The following FANCI variants were observed in gnomAD, a reference collection of about 807,000 sequenced individuals.
FANCI encodes FA complementation group I, also known as Fanconi anemia group I protein.
Under a neutral mutation model 176.1 loss-of-function variants are expected in FANCI, and 156 were observed. That is an observed-to-expected ratio of 0.89 (90% CI 0.78 to 1.01). FANCI has a LOEUF of 1.01. Ranked by LOEUF, FANCI falls within the 50% of genes least tolerant of loss-of-function variation. FANCI has a pLI of 0.00. For synonymous variants in FANCI, 613 were observed against 541.7 expected, an observed-to-expected ratio of 1.13 and a Z score of -1.83; for missense variants, 1,678 against 1,534.1, an observed-to-expected ratio of 1.09 and a Z score of -1.57.
intron 14 of FANCI, 97 bp downstream of exon 14, chr15:89,278,871 T>A (rs1681893139): frequency 7.1e-6 from 6 of 850,474 alleles, no homozygotes; most frequent in Non-Finnish European, 1.2e-5. Context: ...AATGAGCATT[T>A]AAATGCAGTA....
In FANCI at chr15:89,263,966, C is replaced by T. The variant is rs762005980; in HGVS notation, c.609C>T (p.Ser203=). ...FVVEKALSMF[S]KMNLQEIPPL... The stretch of plus-strand genomic sequence containing the variant: ...TGGAAAAAGCATTGAGCATGTTCTC[C>T]AAGATGAATCTTCAAGAAATACCAC... The change falls in exon 8 of 38, where the codon TCC becomes TCT. Residue 203 remains serine (S), a synonymous_variant. Coordinates refer to ENST00000310775, the MANE Select transcript of FANCI (RefSeq NM_001113378.2). 3 of 1,613,996 alleles carry T rather than the reference C, an allele frequency of 1.9e-6. No individual in the cohort carries two copies. Among genetic ancestry groups the T allele is most frequent in the South Asian group, 1.1e-5 (1 of 91,074 alleles).
At chr15:89,313,047 C>T in intron 35 of FANCI, 75 bp downstream of exon 35, 1 of 1,333,978 alleles carries the variant, frequency 7.5e-7, no homozygotes, top group Non-Finnish European at 1.1e-6. Flanking sequence ...AAGCCAGTGA[C>T]AAAAAGACCA....
chr15:89,290,999 A>G (rs1027527331), intron 19 of FANCI, among the ~76,000 whole-genome samples: 4 of 152,216 alleles, frequency 2.6e-5, no homozygotes, highest in African/African-American at 7.2e-5. Flanking sequence ...CAACACATCT[A>G]CATTCACACG....
chr15:89,247,178 A>T (rs1371067910), intron 1 of FANCI, among the ~76,000 whole-genome samples: 1 of 150,030 alleles, frequency 6.7e-6, no homozygotes, highest in Non-Finnish European at 1.5e-5. Context: ...TCCCCTTCTC[A>T]CTTGTTTTTA....
At chr15:89,305,301 CCTTA>C in intron 29 of FANCI, 36 bp from the exon 30 acceptor site, 1 of 1,614,150 alleles carries the variant, frequency 6.2e-7, no homozygotes, top group Non-Finnish European at 8.5e-7. Context: ...AAGGGAACAA[CCTTA>C]CTGTCATTAG....
At chr15:89,272,166 T>G (rs2053224867) in intron 10 of FANCI, among the ~76,000 whole-genome samples, 1 of 152,208 alleles carries the variant, frequency 6.6e-6, no homozygotes, top group African/African-American at 2.4e-5. Flanking sequence ...AGTACCTCAT[T>G]GAGGTTTAAC....
intron 18 of FANCI, among the ~76,000 whole-genome samples, chr15:89,288,262 A>C (rs960756553): frequency 1.3e-5 from 2 of 152,186 alleles, no homozygotes; most frequent in African/African-American, 4.8e-5. Context: ...CAGCTGGCAA[A>C]GGTGCACTAA....
chr15:89,282,807 C>A, intron 16 of FANCI: 2 of 354,818 alleles, frequency 5.6e-6, no homozygotes, highest in South Asian at 4.9e-5. Flanking sequence ...TCAAACATGG[C>A]AAAATCAGCA....
At chr15:89,289,572 C>T (rs1052267935) in intron 18 of FANCI, among the ~76,000 whole-genome samples, 2 of 152,158 alleles carry the variant, frequency 1.3e-5, no homozygotes, top group African/African-American at 2.4e-5. Context: ...TTCCAAAGTG[C>T]TGGGATTACA....
chr15:89,283,355 C>T, intron 17 of FANCI, 105 bp downstream of exon 17: 21 of 1,538,946 alleles, frequency 1.4e-5, no homozygotes, highest in Non-Finnish European at 1.9e-5. Flanking sequence ...AAGAATGATC[C>T]TAGAACTAAA....
chr15:89,266,022 T>C (rs2052938195), intron 9 of FANCI, among the ~76,000 whole-genome samples: 1 of 145,700 alleles, frequency 6.9e-6, no homozygotes, highest in African/African-American at 2.5e-5. Flanking sequence ...TTTTTAAGAG[T>C]GTCTTGCCCT....
rs2054669748 is a variant in FANCI at position 89,305,181 on chromosome 15, C to G, written c.3125C>G (p.Pro1042Arg). Residue 1042 changes from proline (P) to arginine (R), a missense_variant, in exon 29 of 38, where the codon CCT (proline) becomes CGT (arginine). By Grantham distance (103) the Pro-to-Arg change is moderately radical. This residue lies in a region of FANCI where 1,204 missense variants were observed against 1,077.4 expected (regional missense o/e 1.12). Coordinates refer to ENST00000310775, the MANE Select transcript of FANCI (RefSeq NM_001113378.2). Reference protein sequence around the residue: ...LFSLHVSYKSPVILLRDLSQD... With the variant: ...LFSLHVSYKSRVILLRDLSQD... The stretch of plus-strand genomic sequence containing the variant: ...AGCCTGCATGTTTCGTATAAGAGTC[C>G]TGTCATTCTGCTGCGTGACTTGTCC... 6.2e-7 allele frequency: 1 copy of G among 1,614,102 alleles called. No individual in the cohort carries two copies. Among genetic ancestry groups the G allele is most frequent in the Non-Finnish European group, 8.5e-7 (1 of 1,180,052 alleles).
rs1400441798 is a variant in FANCI at position 89,293,065 on chromosome 15, T to A, written c.2291+2T>A. On this transcript the variant is annotated splice_donor_variant, in intron 22 of 37. Transcript: ENST00000310775. LOFTEE classifies it high-confidence loss of function. ...CAATTTCTCCATAAGTAGTTTCAGG[T>A]AAGGTTTTGCTATAACTCCATTTGT... 1.1e-5 allele frequency: 18 copies of A among 1,613,006 alleles called. No individual in the cohort carries two copies. The highest frequency in any genetic ancestry group is 1.4e-5 in the Non-Finnish European group (16 of 1,179,746).
intron 10 of FANCI, among the ~76,000 whole-genome samples, chr15:89,270,391 C>T (rs1050372752): frequency 6.6e-6 from 1 of 152,220 alleles, no homozygotes; most frequent in Non-Finnish European, 1.5e-5. Context: ...GATCATAGTT[C>T]GAGATAGTAT....
chr15:89,276,373 C>T (rs1181130748), intron 12 of FANCI, among the ~76,000 whole-genome samples: 1 of 152,192 alleles, frequency 6.6e-6, no homozygotes, highest in Non-Finnish European at 1.5e-5. Flanking sequence ...TAAGCCTCTA[C>T]ATAAGCGTTG....
At chr15:89,296,879 C>A (rs1335067710) in intron 24 of FANCI, among the ~76,000 whole-genome samples, 2 of 148,464 alleles carry the variant, frequency 1.3e-5, no homozygotes, top group South Asian at 2.2e-4. Context: ...CCAGTAGGGG[C>A]CCCTCACCTC....
At chr15:89,302,617 A>T (rs2151878663) in intron 27 of FANCI, among the ~76,000 whole-genome samples, 1 of 150,630 alleles carries the variant, frequency 6.6e-6, no homozygotes, top group South Asian at 2.1e-4. Context: ...TCTGTCTCCC[A>T]GGCTGGAGTG....
intron 31 of FANCI, 49 bp from the exon 32 acceptor site, chr15:89,305,958 A>G: frequency 6.3e-7 from 1 of 1,592,064 alleles, no homozygotes; most frequent in Non-Finnish European, 8.6e-7. Context: ...TTTACTCTTA[A>G]TTAGAAAACG....
At position 89,286,977 on chromosome 15, in the gene FANCI, C is replaced by CTTTTTTTTTTTTTTTTTTTTTTTT. The variant is rs543431700; in HGVS notation, c.1821+1780_1821+1781insTTTTTTTTTTTTTTTTTTTTTTTT. On this transcript the variant is annotated intron_variant, in intron 18 of 37. Transcript: ENST00000310775. ...TCAGCATTTGCTGCTTCACCTTGCA[C>CTTTTTTTTTTTTTTTTTTTTTTTT]TTTTTTTTTTTTTTTTTTTTTGAGT... 3.1e-4 allele frequency among the ~76,000 whole-genome samples: 27 copies of CTTTTTTTTTTTTTTTTTTTTTTTT among 86,038 alleles called. 5 individuals carry two copies. The highest frequency in any genetic ancestry group is 1.2e-3 in the African/African-American group (25 of 21,180). 56.4% of individuals were successfully genotyped at this position (86,038 alleles called of 152,430 possible).
Sources: gnomAD v4.1 joint callset for allele counts (sites outside exome capture counted in the v4.1 genomes callset) on GRCh38, gnomAD v4.1.1 for gene constraint, gnomAD v4.1.1 regional missense constraint, MANE v1.5 for transcripts, NCBI Gene and HGNC (gene_info 2026-07-23, HGNC 2026-07-21) for gene names.